The following PIK3C2G variants were observed in gnomAD, a reference collection of about 807,000 sequenced individuals.
PIK3C2G encodes phosphatidylinositol 3-kinase C2 domain-containing subunit gamma.
In PIK3C2G, 168 loss-of-function variants were observed where a neutral mutation model predicts 181.1. The observed-to-expected ratio is 0.93, with a 90% CI of 0.82 to 1.05. The LOEUF is 1.05. PIK3C2G is among the 50% of genes least tolerant of loss of function. The pLI is 0.00. For synonymous variants in PIK3C2G, 573 were observed against 592.2 expected (o/e 0.97, Z 0.47); for missense variants, 1,869 against 1,732.8 (o/e 1.08, Z -1.40).
chr12:18,391,394 G>A (rs1313588348), intron 15 of PIK3C2G, 142 bp downstream of exon 15: 2 of 535,944 alleles, frequency 3.7e-6, no homozygotes, highest in Non-Finnish European at 6.2e-6. Context: ...CTTCTTGGAT[G>A]GTTAATTAAT....
In PIK3C2G at chr12:18,488,430, TTC is replaced by T. The variant is rs66523042; in HGVS notation, c.2505-11_2505-10del. On this transcript the variant is annotated splice_polypyrimidine_tract_variant and intron_variant, in intron 18 of 32. Coordinates refer to ENST00000538779, the MANE Select transcript of PIK3C2G (RefSeq NM_001288772.2). ...ATTAGCTTTACATACAAGAATTTTT[TTC>T]TCTCTCTTTCCTTCAGGCTGCTAAA... 105,347 of 1,464,184 alleles carry T rather than the reference TTC, an allele frequency of 0.072. 4,382 individuals carry two copies. Among genetic ancestry groups the T allele is most frequent in the African/African-American group, 0.17 (11,972 of 68,604 alleles). 90.7% of individuals were successfully genotyped at this position (1,464,184 alleles called of 1,614,324 possible). A position where few individuals can be genotyped will look rare whatever the true frequency, so the allele number is the denominator to read the frequency against.
chr12:18,636,649 G>C (rs1949617685), intron 31 of PIK3C2G, among the ~76,000 whole-genome samples: 1 of 152,178 alleles, frequency 6.6e-6, no homozygotes, highest in Non-Finnish European at 1.5e-5. Context: ...TATAGCAGCT[G>C]CAATTGGAGT....
intron 31 of PIK3C2G, among the ~76,000 whole-genome samples, chr12:18,623,744 C>CAGGT (rs1243064500): frequency 6.6e-6 from 1 of 151,580 alleles, no homozygotes; most frequent in Non-Finnish European, 1.5e-5. Context: ...TTTCAGTGTA[C>CAGGT]AGGTCTTTTG....
chr12:18,695,060 G>A, the PIK3C2G span: 3 of 1,612,846 alleles, frequency 1.9e-6, no homozygotes, highest in South Asian at 1.1e-5. Flanking sequence ...GCAGACCAGG[G>A]GTCTGGAAAT....
chr12:18,384,243 A>G (rs574947305), intron 14 of PIK3C2G, among the ~76,000 whole-genome samples: 9 of 152,294 alleles, frequency 5.9e-5, no homozygotes, highest in African/African-American at 2.2e-4. Context: ...GGGTGCAACC[A>G]TATGAAGGAA....
intron 16 of PIK3C2G, among the ~76,000 whole-genome samples, chr12:18,411,090 G>A (rs1052193768): frequency 1.3e-5 from 2 of 151,756 alleles, no homozygotes; most frequent in Non-Finnish European, 2.9e-5. Context: ...ATCATGACTG[G>A]GTCAATGTCC....
intron 12 of PIK3C2G, chr12:18,363,096 A>G (rs112313214): frequency 3.5e-5 from 14 of 401,228 alleles, no homozygotes; most frequent in African/African-American, 2.7e-4. Context: ...CAAGTGTCCA[A>G]TTCACATTAT....
rs1199435111 is a variant in PIK3C2G at position 18,282,318 on chromosome 12, T to C, written c.237T>C (p.Asn79=). 4 of 1,613,608 alleles carry C rather than the reference T, an allele frequency of 2.5e-6. No homozygotes were observed. In the South Asian group the frequency reaches 3.3e-5, roughly 13 times the overall value. ...GGGACTCAACAGGGCATTCATTAAA[T>C]GAAGCACACCAAATATCCTTGAATG... ...PKWDSTGHSL[N]EAHQISLNEF... The change falls in exon 2 of 33, where the codon AAT becomes AAC. Residue 79 remains asparagine, a synonymous_variant. Transcript: ENST00000538779.
At chr12:18,457,647 A>G (rs1947702481) in intron 18 of PIK3C2G, among the ~76,000 whole-genome samples, 1 of 151,854 alleles carries the variant, frequency 6.6e-6, no homozygotes, top group Non-Finnish European at 1.5e-5. Flanking sequence ...AAACTCTTCA[A>G]TCTCTATAAA....
At chr12:18,524,866 C>G (rs1049685330) in intron 24 of PIK3C2G, among the ~76,000 whole-genome samples, 1 of 151,464 alleles carries the variant, frequency 6.6e-6, no homozygotes, top group African/African-American at 2.4e-5. Context: ...CCCACCCGGC[C>G]TGTGCCTCAG....
chr12:18,589,272 A>T (rs1946949289), intron 29 of PIK3C2G, among the ~76,000 whole-genome samples: 2 of 152,034 alleles, frequency 1.3e-5, no homozygotes, highest in African/African-American at 4.8e-5. Flanking sequence ...TTAAAATTAA[A>T]AAAAGGAAAA....
chr12:18,714,676 G>C, the PIK3C2G span: 1 of 152,102 alleles, frequency 6.6e-6, no homozygotes, highest in Non-Finnish European at 1.5e-5. Flanking sequence ...CAGGCTACTG[G>C]TTTTCCACTG....
chr12:18,701,431 A>T, the PIK3C2G span: 1 of 1,604,818 alleles, frequency 6.2e-7, no homozygotes, highest in Middle Eastern at 1.7e-4. Context: ...AGAATTTTAA[A>T]AAAATCTCCA....
intron 18 of PIK3C2G, among the ~76,000 whole-genome samples, chr12:18,469,558 TA>T (rs1938248703): frequency 1.3e-5 from 2 of 152,094 alleles, no homozygotes; most frequent in Non-Finnish European, 2.9e-5. Context: ...TTAAATATAC[TA>T]CTCTGACTTT....
intron 15 of PIK3C2G, among the ~76,000 whole-genome samples, chr12:18,393,693 C>G (rs960066584): frequency 9.2e-5 from 14 of 151,950 alleles, no homozygotes; most frequent in African/African-American, 3.4e-4. Context: ...AGAATTATGA[C>G]AAGAGAAAAA....
rs1488965499 is a variant in PIK3C2G, at chr12:18,507,651, A to G, written c.3323+2190A>G. Among the ~76,000 whole-genome samples, 6 of 152,290 alleles carry G rather than the reference A, an allele frequency of 3.9e-5. No individual in the cohort carries two copies. The East Asian group carries it at 9.7e-4, about 25-fold the overall frequency. On this transcript the variant is annotated intron_variant, in intron 24 of 32. Coordinates refer to ENST00000538779, the MANE Select transcript of PIK3C2G (RefSeq NM_001288772.2). ...TCTATCTACCTTTTTCTAAAAATTC[A>G]AAGATTCAGTTTGGACATCTTTTTT...
chr12:18,353,312 T>C (rs762350207), intron 11 of PIK3C2G, among the ~76,000 whole-genome samples: 3 of 151,450 alleles, frequency 2.0e-5, no homozygotes, highest in African/African-American at 4.9e-5. Flanking sequence ...TCTAGGCACA[T>C]GAGGAAAAAA....
chr12:18,683,151 T>C, the PIK3C2G span: 1 of 1,129,930 alleles, frequency 8.9e-7, no homozygotes, highest in African/African-American at 1.6e-5. Context: ...TTATTTTTCT[T>C]TATGTTTAAA....
intron 4 of PIK3C2G, among the ~76,000 whole-genome samples, chr12:18,292,215 A>AAAAAT (rs1565562584): frequency 1.2e-5 from 1 of 82,368 alleles, no homozygotes; most frequent in African/African-American, 5.1e-5. Context: ...CATCTCAAAA[A>AAAAAT]AAAAAAAAAA....
Sources: gnomAD v4.1 joint callset for allele counts (sites outside exome capture counted in the v4.1 genomes callset) on GRCh38, gnomAD v4.1.1 for gene constraint, MANE v1.5 for transcripts, NCBI Gene and HGNC (gene_info 2026-07-23, HGNC 2026-07-21) for gene names.